The following WIPF1 variants were observed in gnomAD, a reference collection of about 807,000 sequenced individuals.
WIPF1 encodes WAS/WASL-interacting protein family member 1.
Under a neutral mutation model 35.4 loss-of-function variants are expected in WIPF1, and 13 were observed. The observed-to-expected ratio is 0.37, with a 90% CI of 0.24 to 0.58. The LOEUF (loss-of-function observed/expected upper bound fraction) is 0.58, where lower values mean the gene tolerates loss of function less well. Ranked by LOEUF, WIPF1 falls within the 20% of genes least tolerant of loss-of-function variation. WIPF1 has a pLI of 0.74. For missense variants in WIPF1, 591 were observed against 667.0 expected (o/e 0.89, Z 1.25); for synonymous variants, 267 against 266.3 (o/e 1.00, Z -0.02).
chr2:174,668,119 G>T (rs1428409639), intron 1 of WIPF1, among the ~76,000 whole-genome samples: 2 of 152,124 alleles, frequency 1.3e-5, no homozygotes, highest in Non-Finnish European at 2.9e-5. Flanking sequence ...TGTTAACCTT[G>T]GTCCTGCCCA....
At chr2:174,648,797 T>C (rs1687472464) in intron 1 of WIPF1, among the ~76,000 whole-genome samples, 1 of 152,138 alleles carries the variant, frequency 6.6e-6, no homozygotes, top group Non-Finnish European at 1.5e-5. Flanking sequence ...ACATCTAGCC[T>C]GATTAAAAAC....
upstream of WIPF1, among the ~76,000 whole-genome samples, chr2:174,600,657 T>A (rs958942455): frequency 6.6e-6 from 1 of 152,242 alleles, no homozygotes; most frequent in East Asian, 1.9e-4. Flanking sequence ...GCTGTTTTCT[T>A]TTATGCATAG....
intron 1 of WIPF1, among the ~76,000 whole-genome samples, chr2:174,659,228 G>A (rs1369036329): frequency 6.6e-6 from 1 of 152,138 alleles, no homozygotes; most frequent in Non-Finnish European, 1.5e-5. Flanking sequence ...TCAGCCTCCT[G>A]AGTGTGAGTA....
intron 1 of WIPF1, among the ~76,000 whole-genome samples, chr2:174,677,909 G>A (rs1282505291): frequency 6.6e-6 from 1 of 152,126 alleles, no homozygotes; most frequent in Non-Finnish European, 1.5e-5. Flanking sequence ...CTTGGAATCA[G>A]ACTGCTCCAC....
intron 2 of WIPF1, among the ~76,000 whole-genome samples, chr2:174,583,685 G>A (rs1324591961): frequency 6.6e-6 from 1 of 152,074 alleles, no homozygotes; most frequent in African/African-American, 2.4e-5. Flanking sequence ...TACCACCTGT[G>A]TTATTTATTT....
chr2:174,599,713 C>T (rs531336539), upstream of WIPF1, among the ~76,000 whole-genome samples: 8 of 151,932 alleles, frequency 5.3e-5, no homozygotes, highest in Non-Finnish European at 8.8e-5. Context: ...AGAACATGGG[C>T]GATATGACAA....
intron 1 of WIPF1, among the ~76,000 whole-genome samples, chr2:174,669,234 G>C (rs1687955961): frequency 6.6e-6 from 1 of 152,204 alleles, no homozygotes; most frequent in African/African-American, 2.4e-5. Flanking sequence ...AGTGAATCCA[G>C]ATGAAGACCC....
Position 174,667,261 on chromosome 2 carries a change from G to T in WIPF1, c.-39+15513C>A, listed in dbSNP as rs539507695. On this transcript the variant is annotated intron_variant, in intron 1 of 8. Coordinates refer to the WIPF1 transcript ENST00000272746. ...CACCCTCTTCCTGGGACTGGTCGAGGTCTCTGCAGGAATTGTAAAGAATTC... is the reference window on the plus strand; with the variant it reads ...CACCCTCTTCCTGGGACTGGTCGAGTTCTCTGCAGGAATTGTAAAGAATTC... 1.2e-4 allele frequency among the ~76,000 whole-genome samples: 18 copies of T among 152,280 alleles called. No homozygotes were observed. In the East Asian group the frequency reaches 3.5e-3, roughly 29 times the overall value.
chr2:174,563,716 C>T (rs1264715764), intron 7 of WIPF1, among the ~76,000 whole-genome samples: 2 of 152,200 alleles, frequency 1.3e-5, no homozygotes, highest in African/African-American at 4.8e-5. Context: ...GTCAGGTGCT[C>T]AGATGTTGTG....
chr2:174,575,209 T>G lies in WIPF1; in HGVS notation c.353A>C (p.Asp118Ala), dbSNP rs1370227090. 2 of 1,609,788 alleles carry G rather than the reference T, an allele frequency of 1.2e-6. No homozygotes were observed. The highest frequency in any genetic ancestry group is 1.7e-6 in the Non-Finnish European group (2 of 1,177,356). ...GACAGGGAAACTCTCCTTACCATTA[T>G]CCCTGTTGGCCGTGGATCTCAGCTT... is the stretch of plus-strand genomic sequence containing the variant. ...MPKLRSTANRDNDSGGSRPPL... is the reference protein window; with the variant it reads ...MPKLRSTANRANDSGGSRPPL... The change falls in exon 4 of 8, where the codon GAT becomes GCT. Residue 118 changes from aspartate to alanine, a missense_variant. Asp to Ala is a moderately radical substitution (Grantham distance 126). Coordinates refer to ENST00000679041, the MANE Select transcript of WIPF1 (RefSeq NM_001375834.1).
Position 174,660,016 on chromosome 2 carries a change from C to T in WIPF1, c.-39+22758G>A, listed in dbSNP as rs147629963. ...GATGTGGATGGTAATTTATACAGTA[C>T]TCTTTGTGCTTTTCTGGGAGAAACA... On this transcript the variant is annotated intron_variant, in intron 1 of 8. Transcript: ENST00000272746. Among the ~76,000 whole-genome samples the T allele has an allele frequency of 2.9e-3, 435 of 152,282 alleles. 4 individuals are homozygous for T. Among genetic ancestry groups the T allele is most frequent in the Non-Finnish European group, 4.8e-3 (329 of 68,034 alleles).
intron 1 of WIPF1, among the ~76,000 whole-genome samples, chr2:174,615,435 G>T: frequency 6.6e-6 from 1 of 151,670 alleles, no homozygotes; most frequent in East Asian, 1.9e-4. Context: ...CTTAGTGTAG[G>T]CATAAAAGTT....
chr2:174,579,517 AG>A (rs1244217279), intron 3 of WIPF1, among the ~76,000 whole-genome samples: 29 of 152,370 alleles, frequency 1.9e-4, no homozygotes, highest in Admixed American at 1.8e-3. Context: ...CTGCTTGCAA[AG>A]AGCTTGTGAC....
At chr2:174,614,454 A>G (rs1251228380) in intron 1 of WIPF1, among the ~76,000 whole-genome samples, 1 of 152,252 alleles carries the variant, frequency 6.6e-6, no homozygotes, top group African/African-American at 2.4e-5. Context: ...GAGGTGACAC[A>G]TAACAAACAG....
chr2:174,631,725 C>G (rs11892656), intron 1 of WIPF1, among the ~76,000 whole-genome samples: 3,427 of 152,258 alleles, frequency 0.023, 124 homozygotes, highest in African/African-American at 0.076. Context: ...AATCCAGAGA[C>G]CTGGGCCTCC....
At position 174,569,847 on chromosome 2, in the gene WIPF1, C is replaced by T. The variant is rs1193008810; in HGVS notation, c.1130-1774G>A. ...ACTCCAAATCTATTAGATTCCAAGG[C>T]CCACTCCCCATAACACTGAAGCCAA... On this transcript the variant is annotated intron_variant, in intron 5 of 7. Coordinates refer to ENST00000679041, the MANE Select transcript of WIPF1 (RefSeq NM_001375834.1). Among the ~76,000 whole-genome samples the T allele has an allele frequency of 2.6e-5, 4 of 152,136 alleles. No individual in the cohort carries two copies. In the East Asian group the frequency reaches 7.7e-4, roughly 29 times the overall value.
chr2:174,567,056 G>C lies in WIPF1; in HGVS notation c.1456+14C>G. 6.2e-7 allele frequency: 1 copy of C among 1,612,804 alleles called. No individual in the cohort carries two copies. The highest frequency in any genetic ancestry group is 8.5e-7 in the Non-Finnish European group (1 of 1,178,796). On this transcript the variant is annotated intron_variant, in intron 7 of 7. Coordinates refer to ENST00000679041, the MANE Select transcript of WIPF1 (RefSeq NM_001375834.1). ...CAAGCGTGAATCTTCAAAAACCTTG[G>C]CAGAAATACTCACTCCGGCTTTCGT...
Position 174,622,917 on chromosome 2 carries a change from G to A in WIPF1, c.-38-37306C>T, listed in dbSNP as rs1686720074. On this transcript the variant is annotated intron_variant, in intron 1 of 8. Transcript: ENST00000272746. This position sits in a 1 kb window ranked among gnomAD's most constrained non-coding sequence, Gnocchi z 5.1. The stretch of plus-strand genomic sequence containing the variant: ...CTACCATAATGCCCTCCTAAGAGGT[G>A]TTCTATTTGTTGTTGTTAACAAAAT... Among the ~76,000 whole-genome samples, 1 of 152,134 alleles carries A rather than the reference G, an allele frequency of 6.6e-6. No homozygotes were observed. Among genetic ancestry groups the A allele is most frequent in the South Asian group, 2.1e-4 (1 of 4,826 alleles).
rs374720387 is a variant in WIPF1, at chr2:174,666,111, T to A, written c.-39+16663A>T. On this transcript the variant is annotated intron_variant, in intron 1 of 8. Coordinates refer to the WIPF1 transcript ENST00000272746. ...GCCTGGGCAACACAGTGAGACCTCA[T>A]CTCTACAAAACTGAAAAACTTAGCC... is the stretch of plus-strand genomic sequence containing the variant. 4.6e-5 allele frequency among the ~76,000 whole-genome samples: 7 copies of A among 152,130 alleles called. No homozygotes were observed. In the South Asian group the frequency reaches 1.2e-3, roughly 27 times the overall value.
Sources: gnomAD v4.1 joint callset for allele counts (sites outside exome capture counted in the v4.1 genomes callset) on GRCh38, gnomAD v4.1.1 for gene constraint, Gnocchi (gnomAD v3.1) non-coding constraint, MANE v1.5 for transcripts, NCBI Gene and HGNC (gene_info 2026-07-23, HGNC 2026-07-21) for gene names.